The following PHF20 variants were observed in gnomAD, a reference collection of about 807,000 sequenced individuals.
PHF20 encodes the protein PHD finger protein 20, also known as glioma-expressed antigen 2.
In PHF20, 23 loss-of-function variants were observed where a neutral mutation model predicts 113.5. The observed-to-expected ratio is 0.20, with a 90% CI of 0.15 to 0.29. PHF20 has a LOEUF of 0.29. Among genes scored for constraint, PHF20 ranks in the 10% least tolerant of loss-of-function variants. The pLI, the probability that PHF20 is intolerant of heterozygous loss-of-function variation, is 1.00. For missense variants in PHF20, 943 were observed against 1,219.6 expected, an observed-to-expected ratio of 0.77 and a Z score of 3.38; for synonymous variants, 434 against 457.3, an observed-to-expected ratio of 0.95 and a Z score of 0.65.
Position 35,913,322 on chromosome 20 carries a change from G to T in PHF20, c.1635G>T (p.Lys545Asn). Reference sequence around the variant, plus strand: ...TGAGAGTGAAGCCAAAGAAGAAAAAGAAAAAGAAAAAGAAAACCAAACCTG... The same window carrying T: ...TGAGAGTGAAGCCAAAGAAGAAAAATAAAAAGAAAAAGAAAACCAAACCTG... ...EFVRVKPKKKKKKKKKTKPEC... is the reference protein window; with the variant it reads ...EFVRVKPKKKNKKKKKTKPEC... The change falls in exon 11 of 18, where the codon AAG becomes AAT. Residue 545 changes from lysine to asparagine, a missense_variant. Around this residue, in one of 3 missense-constraint regions of PHF20, gnomAD observed 592 missense variants for 787.2 expected, o/e 0.75. Transcript: ENST00000374012. 6.3e-7 allele frequency: 1 copy of T among 1,599,252 alleles called. No individual in the cohort carries two copies. Among genetic ancestry groups the T allele is most frequent in the Non-Finnish European group, 8.5e-7 (1 of 1,174,476 alleles).
intron 9 of PHF20, among the ~76,000 whole-genome samples, chr20:35,892,971 AAATTG>A: frequency 6.6e-6 from 1 of 152,338 alleles, no homozygotes; most frequent in Non-Finnish European, 1.5e-5. Flanking sequence ...TAGTGTTGCC[AAATTG>A]AAAAGAGCCT....
At chr20:35,923,081 C>G (rs1362619265) in intron 13 of PHF20, among the ~76,000 whole-genome samples, 2 of 152,194 alleles carry the variant, frequency 1.3e-5, no homozygotes, top group Non-Finnish European at 2.9e-5. Flanking sequence ...TACCACTGCA[C>G]TACAACCTGT....
At chr20:35,831,116 C>A (rs1022114925) in intron 2 of PHF20, among the ~76,000 whole-genome samples, 2 of 151,870 alleles carry the variant, frequency 1.3e-5, no homozygotes, top group Admixed American at 6.6e-5. Context: ...AAAGTTATTT[C>A]TTTCTTCCTT....
chr20:35,882,290 A>G (rs927195364), intron 9 of PHF20, among the ~76,000 whole-genome samples: 1 of 152,172 alleles, frequency 6.6e-6, no homozygotes, highest in Non-Finnish European at 1.5e-5. Context: ...TGGTGGTTAC[A>G]TGGTATATGT....
chr20:35,919,818 G>C (rs1271353306), intron 13 of PHF20, among the ~76,000 whole-genome samples: 1 of 152,002 alleles, frequency 6.6e-6, no homozygotes. Context: ...CTTTTATTTT[G>C]AAATAATTAT....
At chr20:35,935,983 C>A (rs755243375) in intron 15 of PHF20, among the ~76,000 whole-genome samples, 12 of 152,180 alleles carry the variant, frequency 7.9e-5, no homozygotes, top group Non-Finnish European at 1.8e-4. Context: ...TCATAAAAAA[C>A]ATGGCCTGGA....
chr20:35,780,551 C>T (rs1222224052), intron 1 of PHF20, among the ~76,000 whole-genome samples: 2 of 115,504 alleles, frequency 1.7e-5, no homozygotes, highest in African/African-American at 3.3e-5. Flanking sequence ...TTTTTCTTTT[C>T]TTTTTTTTTT....
intron 10 of PHF20, among the ~76,000 whole-genome samples, chr20:35,907,264 G>C (rs2055217480): frequency 6.6e-6 from 1 of 152,178 alleles, no homozygotes; most frequent in Non-Finnish European, 1.5e-5. Context: ...GTATGGAGGA[G>C]CAAGAGGGCC....
intron 2 of PHF20, 111 bp from the exon 3 acceptor site, chr20:35,842,462 A>T (rs2042552417): frequency 1.2e-6 from 1 of 865,402 alleles, no homozygotes; most frequent in Admixed American, 2.3e-5. Context: ...TCTAAACGGT[A>T]GGCCTGGTAA....
chr20:35,938,782 C>G lies in PHF20; in HGVS notation c.2386C>G (p.Pro796Ala), dbSNP rs185047544. The G allele has an allele frequency of 6.2e-7, 1 of 1,614,124 alleles. No homozygotes were observed. The highest frequency in any genetic ancestry group is 1.7e-5 in the Admixed American group (1 of 60,026). Residue 796 changes from proline to alanine, a missense_variant, in exon 16 of 18, where the codon CCT (proline) becomes GCT (alanine). Physicochemically the swap from Pro to Ala is conservative, Grantham distance 27 (BLOSUM62 -1). Around this residue, in one of 3 missense-constraint regions of PHF20, gnomAD observed 349 missense variants for 412.3 expected, o/e 0.85. Transcript: ENST00000374012. ...GEGRSHFRNIPVTDTRSKEEA... is the reference protein window; with the variant it reads ...GEGRSHFRNIAVTDTRSKEEA... ...GGGGAGATCTCATTTCAGAAACATC[C>G]CTGTCACTGACACCAGGAGCAAGGA... is the stretch of plus-strand genomic sequence containing the variant.
intron 2 of PHF20, among the ~76,000 whole-genome samples, chr20:35,841,765 T>A (rs2146936107): frequency 6.6e-6 from 1 of 151,546 alleles, no homozygotes; most frequent in Non-Finnish European, 1.5e-5. Context: ...CGAGACCCTG[T>A]CTCAAAAAAA....
At position 35,947,759 on chromosome 20, in the gene PHF20, G is replaced by A. The variant is rs1568817760; in HGVS notation, c.*132G>A. 2 of 970,836 alleles carry A rather than the reference G, an allele frequency of 2.1e-6. No individual in the cohort carries two copies. Among genetic ancestry groups the A allele is most frequent in the African/African-American group, 1.6e-5 (1 of 61,372 alleles). The allele number at this position is 970,836 out of a possible 1,614,324, so 60.1% of individuals were successfully genotyped here. ...CTGACTTCAGGGATCTGGGCCAGGA[G>A]TGTGGTGGACATTGGACAAAGAGGC... On this transcript the variant is annotated 3_prime_UTR_variant, in exon 18 of 18. Transcript: ENST00000374012.
chr20:35,874,356 C>T (rs1345335915), intron 9 of PHF20, among the ~76,000 whole-genome samples: 1 of 152,252 alleles, frequency 6.6e-6, no homozygotes, highest in Non-Finnish European at 1.5e-5. Flanking sequence ...CAAAAAGCGA[C>T]AGTCATATTT....
chr20:35,856,364 C>A (rs557803816), intron 4 of PHF20: 2 of 152,298 alleles, frequency 1.3e-5, no homozygotes, highest in South Asian at 4.1e-4. Flanking sequence ...ATCAGAATCA[C>A]CTGGAGGAGT....
At chr20:35,791,559 A>ATATC (rs1555916050) in intron 1 of PHF20, among the ~76,000 whole-genome samples, 5 of 146,828 alleles carry the variant, frequency 3.4e-5, no homozygotes, top group Non-Finnish European at 7.5e-5. Flanking sequence ...ATATATATAT[A>ATATC]TATCTTAGAA....
At chr20:35,878,415 G>A (rs1449632202) in intron 9 of PHF20, 1 of 450,924 alleles carries the variant, frequency 2.2e-6, no homozygotes, top group African/African-American at 2.0e-5. Flanking sequence ...TGGCGTGTGC[G>A]AGATTTTCTT....
chr20:35,838,919 A>G (rs563676688), intron 2 of PHF20, among the ~76,000 whole-genome samples: 1 of 151,520 alleles, frequency 6.6e-6, no homozygotes, highest in East Asian at 1.9e-4. Flanking sequence ...ACTTGAGGTC[A>G]GGAGTTCAAA....
chr20:35,790,254 G>A (rs1345363405), intron 1 of PHF20, among the ~76,000 whole-genome samples: 1 of 151,812 alleles, frequency 6.6e-6, no homozygotes, highest in Non-Finnish European at 1.5e-5. Context: ...CGGCTGGAGT[G>A]CAATGGTGTG....
intron 1 of PHF20, among the ~76,000 whole-genome samples, chr20:35,801,225 A>G (rs2146863892): frequency 6.6e-6 from 1 of 152,166 alleles, no homozygotes; most frequent in East Asian, 1.9e-4. Context: ...GTTTTTTTGT[A>G]GTTCTGAGGG....
Sources: gnomAD v4.1 joint callset for allele counts (sites outside exome capture counted in the v4.1 genomes callset) on GRCh38, gnomAD v4.1.1 for gene constraint, gnomAD v4.1.1 regional missense constraint, MANE v1.5 for transcripts, NCBI Gene and HGNC (gene_info 2026-07-23, HGNC 2026-07-21) for gene names.